PRDM15: variants seen among roughly 807,000 people sequenced by gnomAD.
PRDM15 encodes the protein PR domain zinc finger protein 15.
In PRDM15, 64 loss-of-function variants were observed where a neutral mutation model predicts 128.6. The observed-to-expected ratio is 0.50, with a 90% CI of 0.41 to 0.61. The LOEUF (loss-of-function observed/expected upper bound fraction) is 0.61. Among genes scored for constraint, PRDM15 ranks in the 20% least tolerant of loss-of-function variants. The pLI is 0.00. For missense variants in PRDM15, 1,242 were observed against 1,569.1 expected (o/e 0.79, Z 3.52); for synonymous variants, 615 against 621.8 (o/e 0.99, Z 0.16).
rs774730562 is a variant in PRDM15, at chr21:41,828,160, C to A, written c.1534+6G>T. 1 of 1,612,732 alleles carries A rather than the reference C, an allele frequency of 6.2e-7. No individual in the cohort carries two copies. On this transcript the variant is annotated splice_donor_region_variant and intron_variant, in intron 12 of 23. Transcript: ENST00000398548. This position sits in a 1 kb window ranked among gnomAD's most constrained non-coding sequence, Gnocchi z 5.7. ...CCGCCCGCAGCAGGTGCGCAGGCGG[C>A]CTCACCTTCCAGGTGCCGGCGCTGG...
chr21:41,857,800 G>A (rs1324941668), intron 3 of PRDM15, among the ~76,000 whole-genome samples: 2 of 152,186 alleles, frequency 1.3e-5, no homozygotes, highest in African/African-American at 4.8e-5. Flanking sequence ...CCTAATAGGT[G>A]CTCAATGATG....
At chr21:41,822,617 G>C (rs923070433) in intron 14 of PRDM15, among the ~76,000 whole-genome samples, 1 of 152,190 alleles carries the variant, frequency 6.6e-6, no homozygotes, top group African/African-American at 2.4e-5. Context: ...ATTTGAGGAC[G>C]CTGCTGTGGT....
chr21:41,865,404 T>C (rs11203190), intron 1 of PRDM15, among the ~76,000 whole-genome samples: 20,669 of 152,180 alleles, frequency 0.14, 1,629 homozygotes, highest in East Asian at 0.34. Context: ...GCAAGGCTTG[T>C]GGCAGCCTTG....
At chr21:41,817,631 C>A (rs766886390) in intron 18 of PRDM15, among the ~76,000 whole-genome samples, 1 of 151,992 alleles carries the variant, frequency 6.6e-6, no homozygotes, top group Non-Finnish European at 1.5e-5. Flanking sequence ...ATGAATCGTA[C>A]GAAGGGCTTG....
At chr21:41,874,590 C>A (rs1489626885) in intron 1 of PRDM15, among the ~76,000 whole-genome samples, 1 of 141,996 alleles carries the variant, frequency 7.0e-6, no homozygotes, top group African/African-American at 2.6e-5. Flanking sequence ...ACCTGAAACA[C>A]CCCTTCTCAA....
chr21:41,837,778 GAGCTCCAGAA>G (rs2062944387), intron 8 of PRDM15, among the ~76,000 whole-genome samples, 146 bp downstream of exon 8: 2 of 151,478 alleles, frequency 1.3e-5, no homozygotes, highest in Admixed American at 6.6e-5. Flanking sequence ...GAACATTCCT[GAGCTCCAGAA>G]CATTCCTGCT....
rs1769347404 is a variant in PRDM15 at position 41,859,800 on chromosome 21, T to C, written c.38-115A>G. ...GGGTGACCCAGAGTCATGAGACACATGCATGCCGACACTGCAAAGACAAGC... is the reference window on the plus strand; with the variant it reads ...GGGTGACCCAGAGTCATGAGACACACGCATGCCGACACTGCAAAGACAAGC... On this transcript the variant is annotated intron_variant, in intron 2 of 23. Coordinates refer to ENST00000398548, the MANE Select transcript of PRDM15 (RefSeq NM_001040424.3). The surrounding 1 kb of genome is among the most constrained non-coding windows in gnomAD (Gnocchi z 5.3). 1 of 802,356 alleles carries C rather than the reference T, an allele frequency of 1.2e-6. No homozygotes were observed. Among genetic ancestry groups the C allele is most frequent in the Admixed American group, 2.3e-5 (1 of 43,306 alleles). The allele number at this position is 802,356 out of a possible 1,614,324, so 49.7% of individuals were successfully genotyped here.
chr21:41,810,451 A>G lies in PRDM15; in HGVS notation c.2477-122T>C. The stretch of plus-strand genomic sequence containing the variant: ...GCAAGAAGCCTGTCACGCCCCGCCC[A>G]TCCTGAGAGGGCCGGTGCTGGTCCC... On this transcript the variant is annotated intron_variant, in intron 20 of 23. Coordinates refer to ENST00000398548, the MANE Select transcript of PRDM15 (RefSeq NM_001040424.3). The surrounding 1 kb of genome is among the most constrained non-coding windows in gnomAD (Gnocchi z 6.4). 8.8e-7 allele frequency: 1 copy of G among 1,133,938 alleles called. No homozygotes were observed. The highest frequency in any genetic ancestry group is 1.3e-6 in the Non-Finnish European group (1 of 799,486). The allele number at this position is 1,133,938 out of a possible 1,614,324, so 70.2% of individuals were successfully genotyped here. A position where few individuals can be genotyped will look rare whatever the true frequency, so the allele number is the denominator to read the frequency against.
intron 11 of PRDM15, chr21:41,834,533 G>A (rs1342401007): frequency 2.3e-5 from 36 of 1,550,142 alleles, no homozygotes; most frequent in Middle Eastern, 1.7e-4. Flanking sequence ...GACTGCCGCC[G>A]GGCCCCCCCT....
intron 19 of PRDM15, chr21:41,814,749 G>A (rs1368267332): frequency 6.5e-6 from 1 of 153,172 alleles, no homozygotes; most frequent in Non-Finnish European, 1.4e-5. Context: ...GTTAGTGATT[G>A]CGCAGGGTGC....
intron 1 of PRDM15, among the ~76,000 whole-genome samples, chr21:41,860,852 T>C (rs1410940811): frequency 6.6e-6 from 1 of 152,236 alleles, no homozygotes; most frequent in Non-Finnish European, 1.5e-5. Flanking sequence ...CTGGGATCCC[T>C]GAAACATCTT....
chr21:41,861,868 A>AG (rs2145925598), intron 1 of PRDM15: 2 of 1,576,882 alleles, frequency 1.3e-6, no homozygotes, highest in Non-Finnish European at 1.7e-6. Context: ...TAACAAGGGG[A>AG]GGGGGGTGAA....
chr21:41,839,583 C>G, intron 7 of PRDM15, 40 bp downstream of exon 7: 1 of 1,573,514 alleles, frequency 6.4e-7, no homozygotes, highest in Admixed American at 1.7e-5. Flanking sequence ...AGGAGGGCTG[C>G]GCCCCACGCA....
At chr21:41,824,079 C>T (rs773994193) in intron 13 of PRDM15, among the ~76,000 whole-genome samples, 6 of 152,346 alleles carry the variant, frequency 3.9e-5, no homozygotes, top group South Asian at 2.1e-4. Flanking sequence ...GAAACCCCAG[C>T]GCTCCACAGA....
At position 41,862,017 on chromosome 21, in the gene PRDM15, G is replaced by A. The variant is rs1474940524; in HGVS notation, c.-9-1645C>T. Reference sequence around the variant, plus strand: ...TTGCCTGCCCCAGTTCCTGTGGATGGGCACCTCGGCGCAAATAGGGACCAG... The same window carrying A: ...TTGCCTGCCCCAGTTCCTGTGGATGAGCACCTCGGCGCAAATAGGGACCAG... On this transcript the variant is annotated intron_variant, in intron 1 of 23. Coordinates refer to ENST00000398548, the MANE Select transcript of PRDM15 (RefSeq NM_001040424.3). The surrounding 1 kb of genome is among the most constrained non-coding windows in gnomAD (Gnocchi z 4.1). 3 of 1,606,096 alleles carry A rather than the reference G, an allele frequency of 1.9e-6. No homozygotes were observed. Among genetic ancestry groups the A allele is most frequent in the Non-Finnish European group, 2.6e-6 (3 of 1,174,602 alleles).
At chr21:41,835,026 G>A (rs2062825019) in intron 11 of PRDM15, among the ~76,000 whole-genome samples, 1 of 152,178 alleles carries the variant, frequency 6.6e-6, no homozygotes, top group Non-Finnish European at 1.5e-5. Flanking sequence ...AGGAGGGCTC[G>A]CGGTTAGGAA....
At chr21:41,827,882 A>T (rs1601245558) in intron 12 of PRDM15, among the ~76,000 whole-genome samples, 1 of 152,184 alleles carries the variant, frequency 6.6e-6, no homozygotes, top group Middle Eastern at 3.4e-3. Context: ...GACCCCACAA[A>T]TCGTCCAGTT....
At chr21:41,870,246 G>A (rs1414064952) in intron 1 of PRDM15, among the ~76,000 whole-genome samples, 3 of 152,036 alleles carry the variant, frequency 2.0e-5, no homozygotes, top group African/African-American at 7.2e-5. Flanking sequence ...TATAAACAAA[G>A]AAAAGATACA....
rs1420955744 is a variant in PRDM15 at position 41,821,441 on chromosome 21, C to T, written c.1897-211G>A. ...CAAAACTCAAGAGCACGGGTGTCCTCGGAAACAAACCACCCTCCTTTTTGG... is the reference window on the plus strand; with the variant it reads ...CAAAACTCAAGAGCACGGGTGTCCTTGGAAACAAACCACCCTCCTTTTTGG... On this transcript the variant is annotated intron_variant, in intron 15 of 23. Coordinates refer to ENST00000398548, the MANE Select transcript of PRDM15 (RefSeq NM_001040424.3). The surrounding 1 kb of genome is among the most constrained non-coding windows in gnomAD (Gnocchi z 5.4). Among the ~76,000 whole-genome samples, 3 of 152,142 alleles carry T rather than the reference C, an allele frequency of 2.0e-5. No homozygotes were observed. Among genetic ancestry groups the T allele is most frequent in the Non-Finnish European group, 4.4e-5 (3 of 68,038 alleles).
Sources: allele counts gnomAD v4.1 joint callset (sites outside exome capture counted in the v4.1 genomes callset), GRCh38; gene constraint gnomAD v4.1.1; non-coding constraint Gnocchi (gnomAD v3.1); transcripts MANE v1.5; gene names NCBI Gene and HGNC (gene_info 2026-07-23, HGNC 2026-07-21).